NEXN: variants seen among roughly 807,000 people sequenced by gnomAD.
NEXN encodes nexilin.
Under a neutral mutation model 92.6 loss-of-function variants are expected in NEXN, and 65 were observed. The ratio of observed to expected loss-of-function variants is 0.70; its 90% CI spans 0.57 to 0.86. The LOEUF is 0.86. Among genes scored for constraint, NEXN ranks in the 40% least tolerant of loss-of-function variants. The pLI is 0.00. For synonymous variants in NEXN, 254 were observed against 242.5 expected (o/e 1.05, Z -0.44); for missense variants, 778 against 771.1 (o/e 1.01, Z -0.11).
intron 1 of NEXN, among the ~76,000 whole-genome samples, chr1:77,909,642 C>T (rs1486868631): frequency 6.6e-6 from 1 of 152,036 alleles, no homozygotes; most frequent in African/African-American, 2.4e-5. Flanking sequence ...CACCGACAGA[C>T]CCACTAAACA....
intron 5 of NEXN, among the ~76,000 whole-genome samples, chr1:77,922,428 C>CACAAAATTATTCT (rs1649498212): frequency 6.6e-6 from 1 of 151,648 alleles, no homozygotes; most frequent in Non-Finnish European, 1.5e-5. Context: ...CGCGCCTGGC[C>CACAAAATTATTCT]TAAAAAGAGA....
chr1:77,913,967 G>GA (rs1648772771), intron 1 of NEXN, among the ~76,000 whole-genome samples: 1 of 152,132 alleles, frequency 6.6e-6, no homozygotes, highest in Admixed American at 6.6e-5. Flanking sequence ...ATAACTATGT[G>GA]AAAAAAGTCA....
intron 1 of NEXN, among the ~76,000 whole-genome samples, chr1:77,910,763 A>C (rs796145610): frequency 5.1e-4 from 4 of 7,812 alleles, no homozygotes; most frequent in East Asian, 0.023. Context: ...AAAAAAAAAA[A>C]AAAAAAAACT....
intron 11 of NEXN, among the ~76,000 whole-genome samples, chr1:77,937,734 C>G (rs1347950582): frequency 6.6e-6 from 1 of 152,094 alleles, no homozygotes; most frequent in African/African-American, 2.4e-5. Context: ...TGAATGACTA[C>G]TATGTTCCAG....
rs148786208 is a variant in NEXN at position 77,913,815 on chromosome 1, C to T, written c.-52-2240C>T. Among the ~76,000 whole-genome samples the T allele has an allele frequency of 3.5e-4, 54 of 152,230 alleles. 1 individual carries two copies. The East Asian group carries it at 0.01, about 28-fold the overall frequency. ...TATTTATGTCAACTTTATTCATAAA[C>T]ACCAAAACTTGGAAACAACCAAGAT... On this transcript the variant is annotated intron_variant, in intron 1 of 12. Transcript: ENST00000334785.
At chr1:77,937,266 T>C (rs764040920) in intron 11 of NEXN, among the ~76,000 whole-genome samples, 13 of 152,124 alleles carry the variant, frequency 8.5e-5, no homozygotes, top group Non-Finnish European at 1.8e-4. Context: ...ATTGCACCAC[T>C]GCACTCCAGC....
intron 1 of NEXN, among the ~76,000 whole-genome samples, chr1:77,896,987 A>C (rs200535742): frequency 6.6e-6 from 1 of 152,214 alleles, no homozygotes; most frequent in African/African-American, 2.4e-5. Context: ...GAATAGACCA[A>C]TAACAGGCTC....
intron 1 of NEXN, among the ~76,000 whole-genome samples, chr1:77,908,085 A>AT (rs995380633): frequency 6.6e-5 from 10 of 150,656 alleles, no homozygotes; most frequent in African/African-American, 1.5e-4. Flanking sequence ...CCCTGTCTCT[A>AT]TTTTTTTTTA....
intron 10 of NEXN, among the ~76,000 whole-genome samples, chr1:77,934,696 G>A (rs1008519965): frequency 5.3e-5 from 8 of 152,214 alleles, no homozygotes; most frequent in African/African-American, 1.9e-4. Flanking sequence ...GAGAAAGGTA[G>A]AATGGGGGCG....
intron 11 of NEXN, among the ~76,000 whole-genome samples, chr1:77,936,938 C>T (rs893005787): frequency 2.6e-5 from 4 of 152,070 alleles, no homozygotes; most frequent in Non-Finnish European, 5.9e-5. Flanking sequence ...TGCACGAGTG[C>T]GAAGGACAGC....
intron 9 of NEXN, among the ~76,000 whole-genome samples, chr1:77,931,005 G>A (rs1465892447): frequency 1.3e-5 from 2 of 152,106 alleles, no homozygotes; most frequent in East Asian, 1.9e-4. Flanking sequence ...ACGTGCAGTA[G>A]GTAATCCCTG....
Position 77,917,450 on chromosome 1 carries a change from A to G in NEXN, c.28-116A>G. The G allele has an allele frequency of 5.0e-6, 4 of 804,474 alleles. No homozygotes were observed. In the Admixed American group the frequency reaches 9.3e-5, roughly 19 times the overall value. The allele number at this position is 804,474 out of a possible 1,614,324, so 49.8% of individuals were successfully genotyped here. A position where few individuals can be genotyped will look rare whatever the true frequency, so the allele number is the denominator to read the frequency against. ...ATGGTCAAATAAAGGGTTCAAACAC[A>G]TTTCTATTTTCTGTTTCAATAAATA... On this transcript the variant is annotated intron_variant, in intron 2 of 12. Transcript: ENST00000334785.
At chr1:77,903,972 T>A (rs570135031) in intron 1 of NEXN, among the ~76,000 whole-genome samples, 1 of 152,018 alleles carries the variant, frequency 6.6e-6, no homozygotes, top group East Asian at 1.9e-4. Flanking sequence ...AAAGATTAAA[T>A]TGATATTTGA....
In NEXN at chr1:77,918,183, G is replaced by A; in HGVS notation, c.357G>A (p.Lys119=). 3 of 1,614,042 alleles carry A rather than the reference G, an allele frequency of 1.9e-6. No homozygotes were observed. Among genetic ancestry groups the A allele is most frequent in the Non-Finnish European group, 2.5e-6 (3 of 1,179,948 alleles). The change falls in exon 5 of 13, where the codon AAG becomes AAA. Residue 119 remains lysine, a synonymous_variant. Transcript: ENST00000334785. ...MEKQRQEEQR[K]RTEEERKRRI... ...AACAAAGACAAGAGGAACAAAGGAA[G>A]AGAACGGAGGAGGAACGAAAACGCA...
At chr1:77,933,998 T>C (rs1007938564) in intron 10 of NEXN, among the ~76,000 whole-genome samples, 1 of 130,764 alleles carries the variant, frequency 7.6e-6, no homozygotes, top group African/African-American at 3.0e-5. Context: ...GCACCATGTC[T>C]GGCTAATTTT....
chr1:77,919,789 G>A (rs763983204), intron 5 of NEXN, among the ~76,000 whole-genome samples: 3 of 152,006 alleles, frequency 2.0e-5, no homozygotes, highest in Admixed American at 1.3e-4. Flanking sequence ...TAGTGGAGAC[G>A]GGGTTTCGCC....
intron 11 of NEXN, among the ~76,000 whole-genome samples, chr1:77,937,315 A>T (rs1397617629): frequency 6.6e-6 from 1 of 152,028 alleles, no homozygotes; most frequent in Non-Finnish European, 1.5e-5. Context: ...AACACAATAA[A>T]GCATGGATAT....
chr1:77,905,002 G>T (rs771542580), intron 1 of NEXN, among the ~76,000 whole-genome samples: 8 of 152,200 alleles, frequency 5.3e-5, no homozygotes, highest in Non-Finnish European at 1.0e-4. Flanking sequence ...GGTGGCTCAC[G>T]CCTTTAATCC....
intron 11 of NEXN, among the ~76,000 whole-genome samples, chr1:77,937,088 T>C (rs1650826612): frequency 7.2e-6 from 1 of 137,992 alleles, no homozygotes; most frequent in Admixed American, 6.8e-5. Flanking sequence ...GGTGGGTGGG[T>C]CACTTGAGCC....
Sources: gnomAD v4.1 joint callset for allele counts (sites outside exome capture counted in the v4.1 genomes callset) on GRCh38, gnomAD v4.1.1 for gene constraint, MANE v1.5 for transcripts, NCBI Gene and HGNC (gene_info 2026-07-23, HGNC 2026-07-21) for gene names.